Variants in ZNF75A observed in about 807,000 individuals in gnomAD.
ZNF75A encodes zinc finger protein 75A.
ZNF75A carries 36 observed loss-of-function variants against 46.3 expected under a neutral mutation model. The ratio of observed to expected loss-of-function variants is 0.78; its 90% CI spans 0.60 to 1.03. The LOEUF (loss-of-function observed/expected upper bound fraction) is 1.03, where lower values mean the gene tolerates loss of function less well. Among genes scored for constraint, ZNF75A ranks in the 50% least tolerant of loss-of-function variants. The probability of loss-of-function intolerance (pLI) is 0.00; values close to 1 mark genes in which losing one functional copy is unlikely to be tolerated. For missense variants in ZNF75A, 595 were observed against 551.3 expected (o/e 1.08, Z -0.79); for synonymous variants, 234 against 189.9 (o/e 1.23, Z -1.91).
intron 5 of ZNF75A, chr16:3,314,997 C>G (rs12325187): frequency 0.25 from 247,943 of 984,768 alleles, 32,109 homozygotes; most frequent in Admixed American, 0.31. Context: ...GATAGTGTAG[C>G]GGAGGGTGTA....
intron 5 of ZNF75A, 73 bp downstream of exon 5, chr16:3,313,248 G>A (rs1960945197): frequency 6.6e-7 from 1 of 1,511,130 alleles, no homozygotes; most frequent in African/African-American, 1.4e-5. Context: ...CCCCAGTGAG[G>A]GGTGTCTTAC....
rs1308538504 is a variant in ZNF75A, at chr16:3,308,737, GAC to G, written c.313_314del (p.Gln105AspfsTer12). On this transcript the variant is annotated frameshift_variant, in exon 2 of 7. Transcript: ENST00000669516. LOFTEE classifies it high-confidence loss of function. The part of the protein sequence containing the change: ...EQFLTILPRE[T>X]QTQMQKHHPQ... Reference sequence around the variant, plus strand: ...AGTTCCTGACTATTCTGCCCAGGGAGACACAGACCCAGATGCAGAAGCACCAT... The same window carrying G: ...AGTTCCTGACTATTCTGCCCAGGGAGACAGACCCAGATGCAGAAGCACCAT... The G allele has an allele frequency of 2.0e-6, 2 of 990,196 alleles. No individual in the cohort carries two copies. Among genetic ancestry groups the G allele is most frequent in the Non-Finnish European group, 2.4e-6 (2 of 831,940 alleles). The allele number at this position is 990,196 out of a possible 1,614,324, so 61.3% of individuals were successfully genotyped here.
downstream of ZNF75A, among the ~76,000 whole-genome samples, chr16:3,322,157 T>C (rs1000734700): frequency 6.6e-6 from 1 of 152,210 alleles, no homozygotes; most frequent in African/African-American, 2.4e-5. Flanking sequence ...CTATGTAGAC[T>C]CTCTGAAGTC....
chr16:3,313,273 G>C, intron 5 of ZNF75A, 98 bp downstream of exon 5: 1 of 1,298,018 alleles, frequency 7.7e-7, no homozygotes. Flanking sequence ...CCAGGAGCTG[G>C]TTGATTCTCA....
intron 1 of ZNF75A, chr16:3,307,753 A>G (rs1169118111): frequency 6.7e-6 from 1 of 149,192 alleles, no homozygotes; most frequent in African/African-American, 2.5e-5. Context: ...CTGGTCTGAA[A>G]CTCCTGGCTC....
At chr16:3,321,618 A>C (rs1331040512), downstream of ZNF75A, among the ~76,000 whole-genome samples, 1 of 152,092 alleles carries the variant, frequency 6.6e-6, no homozygotes, top group Non-Finnish European at 1.5e-5. Flanking sequence ...GGCACGTGCC[A>C]CCATGCCTGG....
intron 1 of ZNF75A, chr16:3,307,142 G>C (rs116198220): frequency 6.6e-6 from 1 of 152,028 alleles, no homozygotes; most frequent in African/African-American, 2.4e-5. Flanking sequence ...AATAAAGAAG[G>C]TTTCACCATG....
chr16:3,318,051 C>G lies in ZNF75A; in HGVS notation c.*182C>G, dbSNP rs1033568748. The G allele has an allele frequency of 1.1e-5, 16 of 1,391,460 alleles. No individual in the cohort carries two copies. Among genetic ancestry groups the G allele is most frequent in the Non-Finnish European group, 1.4e-5 (15 of 1,078,778 alleles). 86.2% of individuals were successfully genotyped at this position (1,391,460 alleles called of 1,614,324 possible). A position where few individuals can be genotyped will look rare whatever the true frequency, so the allele number is the denominator to read the frequency against. ...CAGCCACTCAGTAGTCTTCTGTGGT[C>G]ACAGAAGTAAACATTGTTGGCTTTG... is the stretch of plus-strand genomic sequence containing the variant. On this transcript the variant is annotated 3_prime_UTR_variant, in exon 7 of 7. Transcript: ENST00000669516.
downstream of ZNF75A, among the ~76,000 whole-genome samples, chr16:3,321,184 A>G (rs2029925166): frequency 6.6e-6 from 1 of 152,226 alleles, no homozygotes; most frequent in African/African-American, 2.4e-5. Flanking sequence ...AATGAGAGAC[A>G]CATAATCCTA....
At chr16:3,314,447 C>T (rs1961045343) in intron 5 of ZNF75A, among the ~76,000 whole-genome samples, 1 of 152,152 alleles carries the variant, frequency 6.6e-6, no homozygotes. Context: ...ATGACCTTAT[C>T]TGCCTTTCCC....
downstream of ZNF75A, among the ~76,000 whole-genome samples, chr16:3,321,209 CATTAGTACTAAATGCACTA>C (rs1447124169): frequency 9.8e-5 from 15 of 152,320 alleles, no homozygotes; most frequent in East Asian, 3.9e-4. Context: ...TAGCCTTAAA[CATTAGTACTAAATGCACTA>C]ATTAGTACTA....
chr16:3,310,909 A>G (rs1199202998), intron 2 of ZNF75A: 36 of 985,310 alleles, frequency 3.7e-5, no homozygotes, highest in African/African-American at 8.7e-5. Flanking sequence ...GGAAGAATAC[A>G]GGGCAGGACC....
intron 2 of ZNF75A, chr16:3,310,515 C>T (rs578210620): frequency 1.2e-4 from 27 of 231,686 alleles, no homozygotes; most frequent in Non-Finnish European, 1.7e-4. Flanking sequence ...GTCCCAGCCA[C>T]TCGGGAGGCT....
At chr16:3,311,534 G>T (rs745728703) in intron 2 of ZNF75A, 65 of 152,904 alleles carry the variant, frequency 4.3e-4, no homozygotes, top group Non-Finnish European at 8.9e-4. Context: ...TAAAGGGCTG[G>T]CAGGCACCAC....
downstream of ZNF75A, among the ~76,000 whole-genome samples, chr16:3,322,578 C>T (rs950238353): frequency 6.6e-6 from 1 of 152,188 alleles, no homozygotes; most frequent in Admixed American, 6.5e-5. Flanking sequence ...TTTAAGAAAA[C>T]TATCTGAATC....
intron 1 of ZNF75A, 63 bp downstream of exon 1, chr16:3,305,706 C>CAGGGAGGCAGCCAT (rs1440812062): frequency 6.6e-6 from 1 of 152,266 alleles, no homozygotes; most frequent in Non-Finnish European, 1.5e-5. Context: ...GCGGCGGCCG[C>CAGGGAGGCAGCCAT]AGGGAGGCAG....
intron 5 of ZNF75A, among the ~76,000 whole-genome samples, chr16:3,314,191 T>A (rs1490112864): frequency 6.6e-6 from 1 of 152,162 alleles, no homozygotes; most frequent in East Asian, 1.9e-4. Flanking sequence ...CCATACACAC[T>A]CTTAAAAAGG....
chr16:3,309,451 C>CA (rs56710056), intron 2 of ZNF75A: 20,252 of 112,172 alleles, frequency 0.18, 1,975 homozygotes, highest in East Asian at 0.4. Flanking sequence ...CTCCATCTCA[C>CA]AAAAAAAAAA....
At chr16:3,319,172 G>A (rs1961429417), downstream of ZNF75A, among the ~76,000 whole-genome samples, 1 of 152,072 alleles carries the variant, frequency 6.6e-6, no homozygotes, top group South Asian at 2.1e-4. Context: ...GGAGTGCAAT[G>A]GTGTGATCTC....
Sources: gnomAD v4.1 joint callset for allele counts (sites outside exome capture counted in the v4.1 genomes callset) on GRCh38, gnomAD v4.1.1 for gene constraint, MANE v1.5 for transcripts, NCBI Gene and HGNC (gene_info 2026-07-23, HGNC 2026-07-21) for gene names.